ANAPC1: variants seen among roughly 807,000 people sequenced by gnomAD.
ANAPC1 encodes anaphase-promoting complex subunit 1.
Under a neutral mutation model 208.0 loss-of-function variants are expected in ANAPC1, and 36 were observed. The ratio of observed to expected loss-of-function variants is 0.17; its 90% CI spans 0.13 to 0.23. The LOEUF (loss-of-function observed/expected upper bound fraction) is 0.23, where lower values mean the gene tolerates loss of function less well. ANAPC1 is among the 10% of genes least tolerant of loss of function. The pLI, the probability that ANAPC1 is intolerant of heterozygous loss-of-function variation, is 1.00. For missense variants in ANAPC1, 942 were observed against 2,011.6 expected, an observed-to-expected ratio of 0.47 and a Z score of 10.17; for synonymous variants, 378 against 695.2, an observed-to-expected ratio of 0.54 and a Z score of 7.18.
At chr2:111,835,989 T>C (rs1463731081) in intron 18 of ANAPC1, among the ~76,000 whole-genome samples, 2 of 152,184 alleles carry the variant, frequency 1.3e-5, no homozygotes, top group Non-Finnish European at 2.9e-5. Context: ...TTCAACAGCT[T>C]ACATATTTTT....
At chr2:111,787,074 G>A (rs748707924) in intron 39 of ANAPC1, among the ~76,000 whole-genome samples, 26,621 of 138,514 alleles carry the variant, frequency 0.19, 1,034 homozygotes, top group Middle Eastern at 0.22. Context: ...GCATGAACCC[G>A]GGAGGCGGAG....
intron 38 of ANAPC1, among the ~76,000 whole-genome samples, chr2:111,792,151 C>T (rs1677910674): frequency 6.6e-6 from 1 of 150,700 alleles, no homozygotes. Context: ...CAGTGATGCT[C>T]AGTGTGTCAG....
chr2:111,882,837 C>T (rs926996638), intron 1 of ANAPC1, among the ~76,000 whole-genome samples: 1 of 151,670 alleles, frequency 6.6e-6, no homozygotes. Flanking sequence ...AGTACTGGGA[C>T]ACTTGAACTT....
Position 111,847,180 on chromosome 2 carries a change from T to A in ANAPC1, c.1810A>T (p.Met604Leu). ...ATTTCAGGAATAGTGATCCTAACCA[T>A]GGAGCCATTACTCAGTTCCTAGATG... Reference protein sequence around the residue: ...RVTLELSNGSMVRITIPEIAT... With the variant: ...RVTLELSNGSLVRITIPEIAT... Residue 604 changes from methionine to leucine, a missense_variant, in exon 16 of 48, where the codon ATG becomes TTG. Coordinates refer to ENST00000341068, the MANE Select transcript of ANAPC1 (RefSeq NM_022662.4). 1 of 1,610,850 alleles carries A rather than the reference T, an allele frequency of 6.2e-7. No homozygotes were observed. Among genetic ancestry groups the A allele is most frequent in the Non-Finnish European group, 8.5e-7 (1 of 1,179,194 alleles).
chr2:111,766,657 G>A (rs1245404888), downstream of ANAPC1: 14 of 297,202 alleles, frequency 4.7e-5, no homozygotes, highest in Non-Finnish European at 8.5e-5. Context: ...ACATGCGGGA[G>A]GCAACGAAGT....
Position 111,833,304 on chromosome 2 carries a change from T to G in ANAPC1, c.2392A>C (p.Lys798Gln), listed in dbSNP as rs1257052005. 2.5e-6 allele frequency: 4 copies of G among 1,590,612 alleles called. No individual in the cohort carries two copies. The South Asian group carries it at 4.5e-5, about 18-fold the overall frequency. Residue 798 changes from lysine to glutamine, a missense_variant, in exon 20 of 48, where the codon AAA (lysine) becomes CAA (glutamine). Transcript: ENST00000341068. Reference sequence around the variant, plus strand: ...TAATGATCTACATAAGGCCCCAATTTTAAGTCCCTAAAACAGTAAGGGCAT... The same window carrying G: ...TAATGATCTACATAAGGCCCCAATTGTAAGTCCCTAAAACAGTAAGGGCAT... Reference protein sequence around the residue: ...ELLVQLARDLKLGPYVDHYYR... With the variant: ...ELLVQLARDLQLGPYVDHYYR...
At position 111,803,541 on chromosome 2, in the gene ANAPC1, A is replaced by G; in HGVS notation, c.4060-11T>C. On this transcript the variant is annotated splice_polypyrimidine_tract_variant and intron_variant, in intron 31 of 47. Transcript: ENST00000341068. ...TATGGTATCTCCTTCCTATTGAAAG[A>G]AGAGTTTATGCATGTAAAAGAGTTC... The G allele has an allele frequency of 2.1e-6, 1 of 485,210 alleles. No homozygotes were observed. The highest frequency in any genetic ancestry group is 3.5e-6 in the Non-Finnish European group (1 of 287,680). The allele number at this position is 485,210 out of a possible 1,614,324, so 30.1% of individuals were successfully genotyped here. A position where few individuals can be genotyped will look rare whatever the true frequency, so the allele number is the denominator to read the frequency against.
In ANAPC1 at chr2:111,874,005, A is replaced by G. The variant is rs191523780; in HGVS notation, c.376-341T>C. 4.6e-3 allele frequency among the ~76,000 whole-genome samples: 707 copies of G among 152,278 alleles called. 4 individuals are homozygous for G. Among genetic ancestry groups the G allele is most frequent in the African/African-American group, 0.014 (564 of 41,582 alleles). Reference sequence around the variant, plus strand: ...GCAGCAAAAATTCAAATAGTAGCTCAAACCATACTAAACCCTATATCCTCT... The same window carrying G: ...GCAGCAAAAATTCAAATAGTAGCTCGAACCATACTAAACCCTATATCCTCT... On this transcript the variant is annotated intron_variant, in intron 3 of 47. Coordinates refer to ENST00000341068, the MANE Select transcript of ANAPC1 (RefSeq NM_022662.4).
At chr2:111,790,793 A>T (rs949493952) in intron 38 of ANAPC1, among the ~76,000 whole-genome samples, 2 of 152,166 alleles carry the variant, frequency 1.3e-5, no homozygotes, top group African/African-American at 4.8e-5. Context: ...CAACAAACAA[A>T]GCTGACCAAG....
intron 34 of ANAPC1, among the ~76,000 whole-genome samples, chr2:111,797,381 T>A (rs1678218679): frequency 6.6e-6 from 1 of 151,932 alleles, no homozygotes; most frequent in Non-Finnish European, 1.5e-5. Context: ...AATGAAGGAG[T>A]GAAAGAAAAA....
chr2:111,770,982 G>A (rs1676707091), intron 47 of ANAPC1: 2 of 154,086 alleles, frequency 1.3e-5, no homozygotes, highest in Non-Finnish European at 2.9e-5. Flanking sequence ...CGGGGGCTCT[G>A]GGTATGTTTT....
intron 10 of ANAPC1, among the ~76,000 whole-genome samples, chr2:111,859,221 G>A (rs1316844293): frequency 3.3e-5 from 5 of 152,138 alleles, no homozygotes; most frequent in East Asian, 3.9e-4. Flanking sequence ...GGTGGCTCAC[G>A]CCTGTAATCC....
In ANAPC1 at chr2:111,792,719, A is replaced by G. The variant is rs532230163; in HGVS notation, c.4519-164T>C. ...TGTAATCCCAGCACTTTGGGAGGCC[A>G]AGGCGGGCGGATCACGAGGTCAGGA... On this transcript the variant is annotated intron_variant, in intron 37 of 47. Transcript: ENST00000341068. Among the ~76,000 whole-genome samples, 1,506 of 152,044 alleles carry G rather than the reference A, an allele frequency of 9.9e-3. 17 individuals carry two copies. The highest frequency in any genetic ancestry group is 0.026 in the African/African-American group (1,091 of 41,516).
At chr2:111,859,373 A>C (rs558836514) in intron 10 of ANAPC1, among the ~76,000 whole-genome samples, 1 of 152,218 alleles carries the variant, frequency 6.6e-6, no homozygotes, top group South Asian at 2.1e-4. Flanking sequence ...CGGGAGGCTG[A>C]GGCAGGATAA....
At chr2:111,824,811 ATTG>A (rs1679741479) in intron 24 of ANAPC1, among the ~76,000 whole-genome samples, 152 bp downstream of exon 24, 1 of 152,224 alleles carries the variant, frequency 6.6e-6, no homozygotes. Context: ...AAGTTGTGAG[ATTG>A]TCGAGAAAAA....
At position 111,847,730 on chromosome 2, in the gene ANAPC1, T is replaced by C; in HGVS notation, c.1786A>G (p.Thr596Ala). 1 of 1,532,134 alleles carries C rather than the reference T, an allele frequency of 6.5e-7. No homozygotes were observed. 94.9% of individuals were successfully genotyped at this position (1,532,134 alleles called of 1,614,324 possible). A position where few individuals can be genotyped will look rare whatever the true frequency, so the allele number is the denominator to read the frequency against. ...TACCAAATGTTTATACTTACCAGGG[T>C]GACTCTGTTATGGACAGGATCTCTG... ...SIRDPVHNRVTLELSNGSMVR... is the reference protein window; with the variant it reads ...SIRDPVHNRVALELSNGSMVR... Residue 596 changes from threonine (T) to alanine (A), a missense_variant, in exon 15 of 48, where the codon ACC becomes GCC. Physicochemically the swap from Thr to Ala is moderately conservative, Grantham distance 58 (BLOSUM62 0). Transcript: ENST00000341068.
At chr2:111,823,873 C>T (rs377705585) in intron 24 of ANAPC1, among the ~76,000 whole-genome samples, 24 of 149,582 alleles carry the variant, frequency 1.6e-4, no homozygotes, top group African/African-American at 4.4e-4. Flanking sequence ...TTCTACTATG[C>T]GGGTAATATT....
In ANAPC1 at chr2:111,880,765, C is replaced by G; in HGVS notation, c.61G>C (p.Val21Leu). 1 of 1,613,926 alleles carries G rather than the reference C, an allele frequency of 6.2e-7. No homozygotes were observed. The highest frequency in any genetic ancestry group is 8.5e-7 in the Non-Finnish European group (1 of 1,179,868). ...TTGCAGTGGTCTCGACCAAAAGGAA[C>G]AAATTCCTGCAAATCCCTTGCTGCA... ...MIAARDLQEFVPFGRDHCKHH... is the reference protein window; with the variant it reads ...MIAARDLQEFLPFGRDHCKHH... The change falls in exon 2 of 48, where the codon GTT becomes CTT. Residue 21 changes from valine (V) to leucine (L), a missense_variant. Physicochemically the swap from Val to Leu is conservative, Grantham distance 32. Transcript: ENST00000341068.
At chr2:111,861,082 C>CA (rs892906177) in intron 10 of ANAPC1, among the ~76,000 whole-genome samples, 16 of 152,060 alleles carry the variant, frequency 1.1e-4, no homozygotes, top group Non-Finnish European at 2.4e-4. Context: ...CTCAAGCCTC[C>CA]TTTTTTTCTT....
Sources: gnomAD v4.1 joint callset for allele counts (sites outside exome capture counted in the v4.1 genomes callset) on GRCh38, gnomAD v4.1.1 for gene constraint, MANE v1.5 for transcripts, NCBI Gene and HGNC (gene_info 2026-07-23, HGNC 2026-07-21) for gene names.